CAPG: variants seen among roughly 807,000 people sequenced by gnomAD.
CAPG encodes the protein macrophage-capping protein.
A neutral mutation model predicts 44.6 loss-of-function variants in CAPG; 32 were observed. The ratio of observed to expected loss-of-function variants is 0.72; its 90% CI spans 0.54 to 0.96. The LOEUF (loss-of-function observed/expected upper bound fraction) is 0.96, where lower values mean the gene tolerates loss of function less well. CAPG is among the 50% of genes least tolerant of loss of function. The pLI, the probability that CAPG is intolerant of heterozygous loss-of-function variation, is 0.00. For missense variants in CAPG, 412 were observed against 438.3 expected (o/e 0.94, Z 0.54); for synonymous variants, 175 against 179.6 (o/e 0.97, Z 0.20).
chr2:85,392,956 T>C (rs1294837764), downstream of CAPG, among the ~76,000 whole-genome samples: 1 of 152,148 alleles, frequency 6.6e-6, no homozygotes, highest in African/African-American at 2.4e-5. Flanking sequence ...AGCAATAATG[T>C]AGTCTGGCAA....
At chr2:85,407,346 G>A (rs1303803523) in intron 1 of CAPG, among the ~76,000 whole-genome samples, 3 of 152,164 alleles carry the variant, frequency 2.0e-5, no homozygotes, top group Non-Finnish European at 4.4e-5. Context: ...GATGGTAGTA[G>A]TGCCAGTGAA....
intron 1 of CAPG, among the ~76,000 whole-genome samples, chr2:85,406,056 C>A (rs139137335): frequency 6.6e-6 from 1 of 152,130 alleles, no homozygotes; most frequent in Non-Finnish European, 1.5e-5. Context: ...AATCCTAGCA[C>A]TTTGGGAGGC....
downstream of CAPG, among the ~76,000 whole-genome samples, chr2:85,393,052 T>C (rs1686443441): frequency 6.6e-6 from 1 of 152,120 alleles, no homozygotes; most frequent in Non-Finnish European, 1.5e-5. Context: ...TTTTTTTTTT[T>C]TGAAATGGGA....
intron 5 of CAPG, among the ~76,000 whole-genome samples, chr2:85,399,496 CTTTCTTTT>C (rs1307115243): frequency 6.6e-6 from 1 of 152,166 alleles, no homozygotes; most frequent in Non-Finnish European, 1.5e-5. Context: ...ATCTGTCTTC[CTTTCTTTT>C]TTTCGAGACA....
intron 1 of CAPG, among the ~76,000 whole-genome samples, chr2:85,403,364 G>A (rs528006326): frequency 1.6e-4 from 25 of 151,952 alleles, no homozygotes; most frequent in Non-Finnish European, 3.4e-4. Context: ...TAAAAAACTC[G>A]TTCCCCCGCC....
At chr2:85,398,933 C>G (rs1427502314) in intron 6 of CAPG, 151 bp from the exon 7 acceptor site, 2 of 828,178 alleles carry the variant, frequency 2.4e-6, no homozygotes, top group Non-Finnish European at 3.7e-6. Flanking sequence ...CTGAGTCCAG[C>G]CCACCCCACC....
upstream of CAPG, chr2:85,413,284 A>G (rs1687470624): frequency 6.6e-6 from 1 of 152,290 alleles, no homozygotes; most frequent in African/African-American, 2.4e-5. Flanking sequence ...TTACACATTA[A>G]CAGCGAAACA....
rs1444993076 is a variant in CAPG at position 85,408,116 on chromosome 2, G to A, written c.-14+2201C>T. Among the ~76,000 whole-genome samples the A allele has an allele frequency of 2.0e-5, 3 of 152,096 alleles. No homozygotes were observed. In the East Asian group the frequency reaches 5.8e-4, roughly 29 times the overall value. On this transcript the variant is annotated intron_variant, in intron 1 of 9. Coordinates refer to ENST00000263867, the MANE Select transcript of CAPG (RefSeq NM_001747.4). Reference sequence around the variant, plus strand: ...CCAGAACTTTGGAAGGCTGAGGCGGGTGGATCACTTGAGATTAGGAGTTCA... The same window carrying A: ...CCAGAACTTTGGAAGGCTGAGGCGGATGGATCACTTGAGATTAGGAGTTCA...
chr2:85,403,886 CAAAA>C (rs36054381), intron 1 of CAPG, among the ~76,000 whole-genome samples: 144 of 69,800 alleles, frequency 2.1e-3, no homozygotes, highest in African/African-American at 7.1e-3. Context: ...GACTCCATCT[CAAAA>C]AAAAAAAAAA....
At chr2:85,415,556 C>T (rs1410048533) in intron 1 of CAPG, among the ~76,000 whole-genome samples, 1 of 152,212 alleles carries the variant, frequency 6.6e-6, no homozygotes, top group Non-Finnish European at 1.5e-5. Flanking sequence ...CCATGTGCTT[C>T]CTCCACCATA....
At chr2:85,408,205 G>A (rs1331122072) in intron 1 of CAPG, among the ~76,000 whole-genome samples, 4 of 152,206 alleles carry the variant, frequency 2.6e-5, no homozygotes, top group Middle Eastern at 6.8e-3. Flanking sequence ...AGCCAGGCAT[G>A]GTGGTGCGTG....
Position 85,398,624 on chromosome 2 carries a change from C to T in CAPG, c.759+66G>A, listed in dbSNP as rs1166985742. 10 of 1,315,678 alleles carry T rather than the reference C, an allele frequency of 7.6e-6. No individual in the cohort carries two copies. The Admixed American group carries it at 1.2e-4, about 16-fold the overall frequency. The allele number at this position is 1,315,678 out of a possible 1,614,324, so 81.5% of individuals were successfully genotyped here. ...TTCTCCCCTCCACCCTGCTTGCATG[C>T]AGCTGTGCTGTGCAGGCTCCCACCC... On this transcript the variant is annotated intron_variant, in intron 7 of 9. Coordinates refer to ENST00000263867, the MANE Select transcript of CAPG (RefSeq NM_001747.4).
At chr2:85,412,785 T>C (rs1161658364), upstream of CAPG, among the ~76,000 whole-genome samples, 3 of 152,138 alleles carry the variant, frequency 2.0e-5, no homozygotes, top group East Asian at 1.9e-4. Context: ...GCGGTTAACC[T>C]GGTAGAGTGA....
At chr2:85,402,285 C>A in intron 1 of CAPG, 127 bp from the exon 2 acceptor site, 1 of 702,570 alleles carries the variant, frequency 1.4e-6, no homozygotes. Context: ...CTCTAGGAGC[C>A]CTAGTTCCAT....
Position 85,398,689 on chromosome 2 carries a change from C to G in CAPG, c.759+1G>C. On this transcript the variant is annotated splice_donor_variant, in intron 7 of 9. Transcript: ENST00000263867. LOFTEE classifies it high-confidence loss of function. ...TCCCAGGGCAGGCTTGGGGGGCCCA[C>G]CTTATACAGAGCTGCGGCCTGGGCA... 6.3e-7 allele frequency: 1 copy of G among 1,597,380 alleles called. No homozygotes were observed. The highest frequency in any genetic ancestry group is 8.5e-7 in the Non-Finnish European group (1 of 1,171,986).
chr2:85,397,024 C>T (rs1686632002), intron 8 of CAPG, among the ~76,000 whole-genome samples: 1 of 152,134 alleles, frequency 6.6e-6, no homozygotes, highest in South Asian at 2.1e-4. Context: ...CCAAGCAGAA[C>T]AGGCTCTGCC....
Position 85,399,091 on chromosome 2 carries a change from C to T in CAPG, c.666+45G>A. ...AGCTCATCACCACCTCTCTTGGCCA[C>T]TTTCAAGCAGAGGCTCCCAGCCACC... On this transcript the variant is annotated intron_variant, in intron 6 of 9. Transcript: ENST00000263867. The T allele has an allele frequency of 3.1e-6, 5 of 1,604,528 alleles. No individual in the cohort carries two copies. In the South Asian group the frequency reaches 5.5e-5, roughly 18 times the overall value.
At chr2:85,391,987 A>G (rs2104767585), downstream of CAPG, among the ~76,000 whole-genome samples, 1 of 152,346 alleles carries the variant, frequency 6.6e-6, no homozygotes, top group Middle Eastern at 3.4e-3. Flanking sequence ...AGCTCTAGCC[A>G]GTGGACGAGG....
chr2:85,415,093 A>G (rs1281767313), upstream of CAPG, among the ~76,000 whole-genome samples: 1 of 152,008 alleles, frequency 6.6e-6, no homozygotes, highest in Non-Finnish European at 1.5e-5. Flanking sequence ...AGACAAGCAC[A>G]CTCCAGCAAG....
Sources: allele counts gnomAD v4.1 joint callset (sites outside exome capture counted in the v4.1 genomes callset), GRCh38; gene constraint gnomAD v4.1.1; transcripts MANE v1.5; gene names NCBI Gene and HGNC (gene_info 2026-07-23, HGNC 2026-07-21).